The following EAF1 variants were observed in gnomAD, a reference collection of about 807,000 sequenced individuals.
EAF1 encodes the protein ELL associated factor 1, also known as ELL-associated factor 1.
A neutral mutation model predicts 26.6 loss-of-function variants in EAF1; 19 were observed. The observed-to-expected ratio is 0.71, with a 90% confidence interval of 0.50 to 1.05. The LOEUF (loss-of-function observed/expected upper bound fraction) is 1.05. Ranked by LOEUF, EAF1 falls within the 50% of genes least tolerant of loss-of-function variation. The pLI, the probability that EAF1 is intolerant of heterozygous loss-of-function variation, is 0.00. For missense variants in EAF1, 260 were observed against 335.5 expected, an observed-to-expected ratio of 0.78 and a Z score of 1.76; for synonymous variants, 102 against 120.6, an observed-to-expected ratio of 0.85 and a Z score of 1.01.
At chr3:15,437,259 T>C (rs1412193959) in intron 5 of EAF1, among the ~76,000 whole-genome samples, 1 of 150,452 alleles carries the variant, frequency 6.6e-6, no homozygotes, top group African/African-American at 2.5e-5. Flanking sequence ...TTTTTTTTTT[T>C]TTTTTCCTTC....
intron 2 of EAF1, among the ~76,000 whole-genome samples, chr3:15,431,355 T>C (rs2061800700): frequency 6.6e-6 from 1 of 151,968 alleles, no homozygotes; most frequent in South Asian, 2.1e-4. Context: ...GATCTGGAGG[T>C]TGGGTCATTT....
chr3:15,436,640 C>T lies in EAF1; in HGVS notation c.760+65C>T, dbSNP rs541349683. 123 of 1,334,966 alleles carry T rather than the reference C, an allele frequency of 9.2e-5. 1 individual carries two copies. In the South Asian group the frequency reaches 1.3e-3, roughly 14 times the overall value. 82.7% of individuals were successfully genotyped at this position (1,334,966 alleles called of 1,614,324 possible). On this transcript the variant is annotated intron_variant, in intron 5 of 5. Coordinates refer to ENST00000396842, the MANE Select transcript of EAF1 (RefSeq NM_033083.7). ...AGGTGCAGCTTCTATTTATCCTGTGCCAGAACTTACAAACCTAAAGATGTT... is the reference window on the plus strand; with the variant it reads ...AGGTGCAGCTTCTATTTATCCTGTGTCAGAACTTACAAACCTAAAGATGTT...
Position 15,427,776 on chromosome 3 carries a change from G to A in EAF1, c.-4G>A, listed in dbSNP as rs2061762103. The A allele has an allele frequency of 1.3e-6, 2 of 1,551,004 alleles. No homozygotes were observed. Among genetic ancestry groups the A allele is most frequent in the South Asian group, 1.2e-5 (1 of 84,038 alleles). ...CGATCTGGGTGCGAGGCAGGTGCGG[G>A]GCCATGAATGGGACCGCAAACCCGC... On this transcript the variant is annotated 5_prime_UTR_variant, in exon 1 of 6. Coordinates refer to ENST00000396842, the MANE Select transcript of EAF1 (RefSeq NM_033083.7).
At chr3:15,428,121 G>A (rs2061767360) in intron 1 of EAF1, among the ~76,000 whole-genome samples, 1 of 151,768 alleles carries the variant, frequency 6.6e-6, no homozygotes, top group South Asian at 2.1e-4. Flanking sequence ...TCAAACACTA[G>A]TTCCAAAGGT....
intron 2 of EAF1, 52 bp downstream of exon 2, chr3:15,430,059 C>A: frequency 8.2e-7 from 1 of 1,220,244 alleles, no homozygotes; most frequent in Non-Finnish European, 1.2e-6. Context: ...GAATCTTTGT[C>A]TTTTATATTA....
At position 15,434,554 on chromosome 3, in the gene EAF1, T is replaced by C; in HGVS notation, c.526+16T>C. ...ATCAAAAGAGGTAGAGAACATTTTCTGGATCCATGATAGCAACTTGGAGTA... is the reference window on the plus strand; with the variant it reads ...ATCAAAAGAGGTAGAGAACATTTTCCGGATCCATGATAGCAACTTGGAGTA... On this transcript the variant is annotated intron_variant, in intron 4 of 5. Coordinates refer to ENST00000396842, the MANE Select transcript of EAF1 (RefSeq NM_033083.7). 1 of 1,613,480 alleles carries C rather than the reference T, an allele frequency of 6.2e-7. No homozygotes were observed. The highest frequency in any genetic ancestry group is 8.5e-7 in the Non-Finnish European group (1 of 1,179,528).
Position 15,434,347 on chromosome 3 carries a change from G to C in EAF1, c.336-1G>C, listed in dbSNP as rs1398551089. 1 of 1,613,664 alleles carries C rather than the reference G, an allele frequency of 6.2e-7. No homozygotes were observed. Among genetic ancestry groups the C allele is most frequent in the Non-Finnish European group, 8.5e-7 (1 of 1,179,750 alleles). ...AATTTAATGTCTGTATCTCCTTTCA[G>C]AGCTGAGGGCAGCAGTAAAATCCAG... On this transcript the variant is annotated splice_acceptor_variant, in intron 3 of 5. Coordinates refer to ENST00000396842, the MANE Select transcript of EAF1 (RefSeq NM_033083.7). LOFTEE classifies it high-confidence loss of function.
chr3:15,437,917 A>G (rs1377678577), intron 5 of EAF1, among the ~76,000 whole-genome samples: 1 of 152,134 alleles, frequency 6.6e-6, no homozygotes, highest in African/African-American at 2.4e-5. Context: ...ACGTCTACCC[A>G]CTAGATGCCA....
chr3:15,430,765 CTT>C (rs1336860517), intron 2 of EAF1, among the ~76,000 whole-genome samples: 1 of 152,194 alleles, frequency 6.6e-6, no homozygotes, highest in Non-Finnish European at 1.5e-5. Flanking sequence ...CAGAGAAAGA[CTT>C]TTGTGAAGCT....
At position 15,427,632 on chromosome 3, in the gene EAF1, T is replaced by G. The variant is rs2061759325; in HGVS notation, c.-148T>G. On this transcript the variant is annotated 5_prime_UTR_variant, in exon 1 of 6. Transcript: ENST00000396842. ...CCCCACGCAGAGGAGAGAACTTGCT[T>G]CTGGACCCGGGTGGGTGCCGGCTCG... 4 of 770,128 alleles carry G rather than the reference T, an allele frequency of 5.2e-6. No homozygotes were observed. In the Admixed American group the frequency reaches 9.6e-5, roughly 18 times the overall value. The allele number at this position is 770,128 out of a possible 1,614,324, so 47.7% of individuals were successfully genotyped here.
rs1428997392 is a variant in EAF1 at position 15,440,803 on chromosome 3, T to G, written c.*1648T>G. On this transcript the variant is annotated 3_prime_UTR_variant, in exon 6 of 6. Coordinates refer to ENST00000396842, the MANE Select transcript of EAF1 (RefSeq NM_033083.7). ...GGTGGATTTAATGGCAGGTAGGAACTTATTTATAGTGGATTGATAATTGCT... is the reference window on the plus strand; with the variant it reads ...GGTGGATTTAATGGCAGGTAGGAACGTATTTATAGTGGATTGATAATTGCT... 1 of 152,624 alleles carries G rather than the reference T, an allele frequency of 6.6e-6. No homozygotes were observed. The highest frequency in any genetic ancestry group is 1.9e-4 in the East Asian group (1 of 5,200). The allele number at this position is 152,624 out of a possible 1,614,324, so 9.5% of individuals were successfully genotyped here. A position where few individuals can be genotyped will look rare whatever the true frequency, so the allele number is the denominator to read the frequency against.
intron 1 of EAF1, among the ~76,000 whole-genome samples, chr3:15,428,716 G>A (rs746279945): frequency 6.6e-6 from 1 of 152,158 alleles, no homozygotes; most frequent in Non-Finnish European, 1.5e-5. Context: ...TGTCCTGGGT[G>A]AAGGTTTGGC....
At chr3:15,431,520 G>A (rs1416145820) in intron 2 of EAF1, among the ~76,000 whole-genome samples, 1 of 152,212 alleles carries the variant, frequency 6.6e-6, no homozygotes, top group Non-Finnish European at 1.5e-5. Flanking sequence ...TGCAGGGTGA[G>A]GTGGAGAGCC....
At chr3:15,428,075 C>A (rs1319530617) in intron 1 of EAF1, among the ~76,000 whole-genome samples, 193 bp downstream of exon 1, 1 of 152,094 alleles carries the variant, frequency 6.6e-6, no homozygotes, top group Non-Finnish European at 1.5e-5. Context: ...TCTCCCAAAT[C>A]TTCGTCACTC....
Position 15,427,638 on chromosome 3 carries a change from C to T in EAF1, c.-142C>T, listed in dbSNP as rs1358751394. 3 of 817,952 alleles carry T rather than the reference C, an allele frequency of 3.7e-6. No homozygotes were observed. Among genetic ancestry groups the T allele is most frequent in the Non-Finnish European group, 5.9e-6 (3 of 506,786 alleles). 50.7% of individuals were successfully genotyped at this position (817,952 alleles called of 1,614,324 possible). On this transcript the variant is annotated 5_prime_UTR_variant, in exon 1 of 6. Transcript: ENST00000396842. The stretch of plus-strand genomic sequence containing the variant: ...GCAGAGGAGAGAACTTGCTTCTGGA[C>T]CCGGGTGGGTGCCGGCTCGGCTCTC...
At chr3:15,436,829 C>T (rs2061838928) in intron 5 of EAF1, among the ~76,000 whole-genome samples, 1 of 152,160 alleles carries the variant, frequency 6.6e-6, no homozygotes, top group South Asian at 2.1e-4. Context: ...AAAACATGAA[C>T]AGATAGGCTG....
intron 5 of EAF1, among the ~76,000 whole-genome samples, chr3:15,437,334 G>A (rs553892431): frequency 7.2e-6 from 1 of 137,932 alleles, no homozygotes; most frequent in South Asian, 2.3e-4. Flanking sequence ...TTTTTTTTTG[G>A]TAGAGACAGG....
At chr3:15,428,483 T>C (rs1200413582) in intron 1 of EAF1, among the ~76,000 whole-genome samples, 5 of 152,138 alleles carry the variant, frequency 3.3e-5, no homozygotes, top group African/African-American at 1.2e-4. Context: ...TCATTTGACT[T>C]GGATGTCTTT....
At chr3:15,438,422 C>T (rs2061847704) in intron 5 of EAF1, among the ~76,000 whole-genome samples, 1 of 152,046 alleles carries the variant, frequency 6.6e-6, no homozygotes, top group African/African-American at 2.4e-5. Flanking sequence ...TAATGGGAAG[C>T]CTACCGGATA....
Sources: allele counts gnomAD v4.1 joint callset (sites outside exome capture counted in the v4.1 genomes callset), GRCh38; gene constraint gnomAD v4.1.1; transcripts MANE v1.5; gene names NCBI Gene and HGNC (gene_info 2026-07-23, HGNC 2026-07-21).